The following KMT2C variants were observed in gnomAD, a reference collection of about 807,000 sequenced individuals.
The protein encoded by KMT2C is lysine methyltransferase 2C.
Under a neutral mutation model 507.9 loss-of-function variants are expected in KMT2C, and 88 were observed. The observed-to-expected ratio is 0.17, with a 90% confidence interval of 0.15 to 0.21. The LOEUF is 0.21. Ranked by LOEUF, KMT2C falls within the 10% of genes least tolerant of loss-of-function variation. The pLI is 1.00. For synonymous variants in KMT2C, 2,049 were observed against 2,080.8 expected (o/e 0.98, Z 0.42); for missense variants, 4,954 against 5,957.8 (o/e 0.83, Z 5.55).
intron 1 of KMT2C, among the ~76,000 whole-genome samples, chr7:152,422,444 ACT>A (rs1316829177): frequency 6.6e-6 from 1 of 151,532 alleles, no homozygotes; most frequent in Non-Finnish European, 1.5e-5. Flanking sequence ...ACAGAGCAAG[ACT>A]CTGTCTCAAA....
Position 152,288,270 on chromosome 7 carries a change from AG to A in KMT2C, c.850-14404del, listed in dbSNP as rs958882158. Among the ~76,000 whole-genome samples the A allele has an allele frequency of 6.0e-5, 9 of 149,558 alleles. No homozygotes were observed. The East Asian group carries it at 1.6e-3, about 26-fold the overall frequency. On this transcript the variant is annotated intron_variant, in intron 6 of 58. Coordinates refer to ENST00000262189, the MANE Select transcript of KMT2C (RefSeq NM_170606.3). ...AAAAAGTGGCCAGGTGCGGTCGCTC[AG>A]GCCTGTAATCCTAGCATTTTGGGAG...
intron 46 of KMT2C, among the ~76,000 whole-genome samples, chr7:152,155,350 G>C (rs549034111): frequency 6.6e-6 from 1 of 152,330 alleles, no homozygotes; most frequent in South Asian, 2.1e-4. Context: ...ATTTGATGAA[G>C]TTGTAAGAAC....
chr7:152,158,151 A>G (rs1361509362), intron 44 of KMT2C, among the ~76,000 whole-genome samples: 1 of 152,236 alleles, frequency 6.6e-6, no homozygotes, highest in Non-Finnish European at 1.5e-5. Flanking sequence ...CAAGAAAAAC[A>G]TATTTCTTAT....
At chr7:152,295,158 A>G (rs543738973) in intron 6 of KMT2C, among the ~76,000 whole-genome samples, 1 of 152,348 alleles carries the variant, frequency 6.6e-6, no homozygotes, top group South Asian at 2.1e-4. Flanking sequence ...TTTACACATA[A>G]TACCTAAACT....
chr7:152,386,527 G>A (rs2097428230), intron 1 of KMT2C, among the ~76,000 whole-genome samples: 1 of 152,286 alleles, frequency 6.6e-6, no homozygotes, highest in South Asian at 2.1e-4. Context: ...TCACATGACT[G>A]GTCTGGACAA....
At chr7:152,309,546 GTCTC>G (rs376437011) in intron 6 of KMT2C, among the ~76,000 whole-genome samples, 10 of 124,182 alleles carry the variant, frequency 8.1e-5, no homozygotes, top group African/African-American at 2.2e-4. Context: ...ATTAAACGGA[GTCTC>G]TCTCTGTCAC....
At position 152,176,331 on chromosome 7, in the gene KMT2C, T is replaced by C. The variant is rs2129112844; in HGVS notation, c.9122A>G (p.Asn3041Ser). 2 of 1,614,132 alleles carry C rather than the reference T, an allele frequency of 1.2e-6. No individual in the cohort carries two copies. The highest frequency in any genetic ancestry group is 1.3e-5 in the African/African-American group (1 of 75,032). ...TTCTAGAAGAAGGGGCCTCTCTCTATTCTGCTGTGCTAATGTTTGAGGAAT... is the reference window on the plus strand; with the variant it reads ...TTCTAGAAGAAGGGGCCTCTCTCTACTCTGCTGTGCTAATGTTTGAGGAAT... ...LMIPQTLAQQ[N>S]RERPLLLEEQ... Residue 3041 changes from asparagine to serine, a missense_variant, in exon 38 of 59, where the codon AAT becomes AGT. Around this residue, in one of 29 missense-constraint regions of KMT2C, gnomAD observed 1,689 missense variants for 1,654.3 expected, o/e 1.02. Coordinates refer to ENST00000262189, the MANE Select transcript of KMT2C (RefSeq NM_170606.3).
intron 6 of KMT2C, among the ~76,000 whole-genome samples, chr7:152,285,904 G>A (rs1336747723): frequency 6.6e-6 from 1 of 152,214 alleles, no homozygotes; most frequent in Non-Finnish European, 1.5e-5. Flanking sequence ...AGAATCGCTT[G>A]AACCTGGGAG....
chr7:152,343,068 G>A (rs1261317063), intron 2 of KMT2C, among the ~76,000 whole-genome samples: 1 of 151,982 alleles, frequency 6.6e-6, no homozygotes, highest in Non-Finnish European at 1.5e-5. Context: ...TTTACCCAGT[G>A]TACTACACCT....
chr7:152,184,159 A>G (rs898275111), intron 34 of KMT2C, among the ~76,000 whole-genome samples: 1 of 149,466 alleles, frequency 6.7e-6, no homozygotes, highest in Non-Finnish European at 1.5e-5. Flanking sequence ...GAAACGTATC[A>G]TTAAAGAAAT....
chr7:152,147,707 CAAAAAAAAAAAAA>C lies in KMT2C; in HGVS notation c.13894+313_13894+325del, dbSNP rs762588729. 1.1e-4 allele frequency among the ~76,000 whole-genome samples: 5 copies of C among 46,736 alleles called. No homozygotes were observed. The Admixed American group carries it at 1.1e-3, about 11-fold the overall frequency. The allele number at this position is 46,736 out of a possible 152,430, so 30.7% of individuals were successfully genotyped here. On this transcript the variant is annotated intron_variant, in intron 52 of 58. Coordinates refer to ENST00000262189, the MANE Select transcript of KMT2C (RefSeq NM_170606.3). ...GTGCAACAAAAGAGAAACTCCGTCT[CAAAAAAAAAAAAA>C]AAAAAAAAGAAAAAGAAAAAGAAAA...
chr7:152,360,798 G>A (rs1009919397), intron 1 of KMT2C, among the ~76,000 whole-genome samples: 28 of 150,922 alleles, frequency 1.9e-4, no homozygotes, highest in African/African-American at 5.9e-4. Flanking sequence ...GCGGTGAGCC[G>A]AGATTGCACC....
intron 39 of KMT2C, among the ~76,000 whole-genome samples, 156 bp downstream of exon 39, chr7:152,173,975 G>A (rs974423791): frequency 3.3e-5 from 5 of 152,178 alleles, no homozygotes; most frequent in African/African-American, 7.2e-5. Flanking sequence ...ATAGCATTTT[G>A]TATCTGATCA....
rs189120127 is a variant in KMT2C, at chr7:152,237,803, T to G, written c.2652+904A>C. ...GCATGAGCCACTGCGCCCGGCCGAG[T>G]TTGTTTTGTTTTTAAATTGGTATAA... On this transcript the variant is annotated intron_variant, in intron 15 of 58. Transcript: ENST00000262189. 3.2e-3 allele frequency among the ~76,000 whole-genome samples: 483 copies of G among 152,142 alleles called. 4 individuals are homozygous for G. The Middle Eastern group carries it at 0.044, about 14-fold the overall frequency.
chr7:152,205,259 T>C, intron 24 of KMT2C, 34 bp from the exon 25 acceptor site: 2 of 1,593,532 alleles, frequency 1.3e-6, no homozygotes, highest in Non-Finnish European at 1.7e-6. Flanking sequence ...AACTGATAAG[T>C]AATTTCTCCC....
At chr7:152,239,594 A>C (rs554643422) in intron 14 of KMT2C, among the ~76,000 whole-genome samples, 24 of 152,338 alleles carry the variant, frequency 1.6e-4, no homozygotes, top group African/African-American at 5.8e-4. Flanking sequence ...ATTAAAATCT[A>C]TATAACTAAA....
chr7:152,209,211 C>T (rs2094392245), intron 23 of KMT2C, among the ~76,000 whole-genome samples: 1 of 150,810 alleles, frequency 6.6e-6, no homozygotes, highest in African/African-American at 2.4e-5. Context: ...AATCCCAGCA[C>T]TTTGGGAGGC....
Position 152,179,964 on chromosome 7 carries a change from G to A in KMT2C, c.7312C>T (p.Pro2438Ser), listed in dbSNP as rs2129118102. 6.2e-7 allele frequency: 1 copy of A among 1,614,176 alleles called. No individual in the cohort carries two copies. Among genetic ancestry groups the A allele is most frequent in the Non-Finnish European group, 8.5e-7 (1 of 1,180,042 alleles). The change falls in exon 37 of 59, where the codon CCC becomes TCC. Residue 2438 changes from proline (P) to serine (S), a missense_variant. Physicochemically the swap from Pro to Ser is moderately conservative, Grantham distance 74. Around this residue, in one of 29 missense-constraint regions of KMT2C, gnomAD observed 1,689 missense variants for 1,654.3 expected, o/e 1.02. Transcript: ENST00000262189. ...GGAGACCTAATGTTCCCAGGATAGG[G>A]AGGTGGGGGTCTGGTGAAAGCCTGG... ...VNQAFTRPPPPYPGNIRSPVA... is the reference protein window; with the variant it reads ...VNQAFTRPPPSYPGNIRSPVA...
chr7:152,368,366 T>C (rs773071290), intron 1 of KMT2C: 20 of 1,122,672 alleles, frequency 1.8e-5, no homozygotes, highest in Admixed American at 5.9e-5. Flanking sequence ...CTGGCACAAA[T>C]GGAAGAAGAA....
Sources: gnomAD v4.1 joint callset for allele counts (sites outside exome capture counted in the v4.1 genomes callset) on GRCh38, gnomAD v4.1.1 for gene constraint, gnomAD v4.1.1 regional missense constraint, MANE v1.5 for transcripts, NCBI Gene and HGNC (gene_info 2026-07-23, HGNC 2026-07-21) for gene names.